The following BRF1 variants were observed in gnomAD, a reference collection of about 807,000 sequenced individuals.
BRF1 encodes BRF1 general transcription factor IIIB subunit, also known as transcription factor IIIB 90 kDa subunit.
In BRF1, 59 loss-of-function variants were observed where a neutral mutation model predicts 81.7. That is an observed-to-expected ratio of 0.72 (90% CI 0.59 to 0.90). The LOEUF is 0.90. BRF1 is among the 40% of genes least tolerant of loss of function. The probability of loss-of-function intolerance (pLI) is 0.00; values close to 1 mark genes in which losing one functional copy is unlikely to be tolerated. For synonymous variants in BRF1, 491 were observed against 395.6 expected (o/e 1.24, Z -2.86); for missense variants, 1,050 against 936.3 (o/e 1.12, Z -1.58).
Position 105,210,795 on chromosome 14 carries a change from G to A in BRF1, c.1997-207C>T, listed in dbSNP as rs895811613. On this transcript the variant is annotated intron_variant, in intron 17 of 17. Transcript: ENST00000547530. The surrounding 1 kb of genome is among the most constrained non-coding windows in gnomAD (Gnocchi z 4.7). ...CCAGAGCAGGGCCTTGCTCCTCGTC[G>A]AGGGCACCTGAGAGCAGTGTGGGCT... is the stretch of plus-strand genomic sequence containing the variant. 2.0e-5 allele frequency among the ~76,000 whole-genome samples: 3 copies of A among 152,080 alleles called. No individual in the cohort carries two copies. The highest frequency in any genetic ancestry group is 2.9e-5 in the Non-Finnish European group (2 of 67,970).
chr14:105,266,399 G>A (rs1030442289), intron 3 of BRF1, among the ~76,000 whole-genome samples: 2 of 152,114 alleles, frequency 1.3e-5, no homozygotes, highest in African/African-American at 4.8e-5. Flanking sequence ...GGAGAACAGA[G>A]CAAGACCCTG....
At chr14:105,261,610 CTT>C (rs2056154994) in intron 3 of BRF1, among the ~76,000 whole-genome samples, 1 of 152,188 alleles carries the variant, frequency 6.6e-6, no homozygotes, top group Non-Finnish European at 1.5e-5. Context: ...AGAACTAAAA[CTT>C]AAAAAAACAA....
rs587666677 is a variant in BRF1 at position 105,288,617 on chromosome 14, ATTTCTTTC to A, written c.185-2249_185-2242del. ...CAGCCTGGGCAACACGGGGAGACCC[ATTTCTTTC>A]TTTCTTTCTTTCTTTTTTTTTTTTT... On this transcript the variant is annotated intron_variant, in intron 1 of 17. Coordinates refer to ENST00000547530, the MANE Select transcript of BRF1 (RefSeq NM_001519.4). Among the ~76,000 whole-genome samples the A allele has an allele frequency of 1.9e-3, 276 of 148,470 alleles. 2 individuals carry two copies. The highest frequency in any genetic ancestry group is 6.1e-3 in the African/African-American group (249 of 40,524).
chr14:105,302,558 G>A (rs1386224611), upstream of BRF1, among the ~76,000 whole-genome samples: 2 of 151,356 alleles, frequency 1.3e-5, no homozygotes, highest in African/African-American at 2.4e-5. Context: ...CACTTAATTT[G>A]GTTCAATGTG....
intron 11 of BRF1, among the ~76,000 whole-genome samples, chr14:105,220,950 G>A (rs1892186869): frequency 6.6e-6 from 1 of 152,222 alleles, no homozygotes; most frequent in African/African-American, 2.4e-5. Context: ...GTTGCTCTGT[G>A]TGACTCGCCT....
rs372951613 is a variant in BRF1 at position 105,249,348 on chromosome 14, T to G, written c.544+3159A>C. On this transcript the variant is annotated intron_variant, in intron 5 of 17. Transcript: ENST00000547530. ...GGAGAGCCAGGCTCACGGCGGCGCT[T>G]TCTCCTCCCAGTACGTCTTGGCTGT... The G allele has an allele frequency of 6.4e-5, 103 of 1,608,452 alleles. No homozygotes were observed. The African/African-American group carries it at 9.9e-4, about 15-fold the overall frequency.
rs1473894867 is a variant in BRF1, at chr14:105,241,252, G to A, written c.694+13C>T. On this transcript the variant is annotated intron_variant, in intron 6 of 17. Transcript: ENST00000547530. ...CAGACCAGCATCCCCCAGGCAGGCA[G>A]GGCCCGCTGTACCTGCTCCGCAGAG... is the stretch of plus-strand genomic sequence containing the variant. 14 of 1,609,400 alleles carry A rather than the reference G, an allele frequency of 8.7e-6. 1 individual carries two copies. Among genetic ancestry groups the A allele is most frequent in the South Asian group, 7.7e-5 (7 of 91,034 alleles).
chr14:105,261,812 G>A (rs2056168332), intron 3 of BRF1, among the ~76,000 whole-genome samples: 1 of 152,200 alleles, frequency 6.6e-6, no homozygotes, highest in African/African-American at 2.4e-5. Flanking sequence ...ACTGGAGAGG[G>A]GGACTGCGGC....
At chr14:105,219,102 G>A in intron 13 of BRF1, 49 bp from the exon 14 acceptor site, 2 of 1,614,002 alleles carry the variant, frequency 1.2e-6, no homozygotes, top group East Asian at 2.2e-5. Flanking sequence ...CACGCCCCAG[G>A]CCTGGGGACT....
Position 105,241,283 on chromosome 14 carries a change from A to G in BRF1, c.676T>C (p.Ser226Pro), listed in dbSNP as rs1003577469. 1.9e-6 allele frequency: 3 copies of G among 1,612,068 alleles called. No homozygotes were observed. The highest frequency in any genetic ancestry group is 2.5e-6 in the Non-Finnish European group (3 of 1,179,798). ...RDWMHTGRRPSGLCGAALLVA... is the reference protein window; with the variant it reads ...RDWMHTGRRPPGLCGAALLVA... ...GCTGTACCTGCTCCGCAGAGGCCCG[A>G]GGGGCGCCGGCCTGTGTGCATCCAG... is the stretch of plus-strand genomic sequence containing the variant. The change falls in exon 6 of 18, where the codon TCG (serine) becomes CCG (proline). Residue 226 changes from serine (S) to proline (P), a missense_variant. This residue lies in a region of BRF1 where 1,043 missense variants were observed against 915.4 expected (regional missense o/e 1.14). Coordinates refer to ENST00000547530, the MANE Select transcript of BRF1 (RefSeq NM_001519.4).
intron 6 of BRF1, 118 bp from the exon 7 acceptor site, chr14:105,229,031 T>C (rs770333379): frequency 3.3e-5 from 30 of 907,742 alleles, no homozygotes; most frequent in Middle Eastern, 2.6e-4. Context: ...AGAAGACGTG[T>C]CTGTGCCAGG....
Position 105,225,805 on chromosome 14 carries a change from G to A in BRF1, c.1048+264C>T, listed in dbSNP as rs144442366. On this transcript the variant is annotated intron_variant, in intron 10 of 17. Coordinates refer to ENST00000547530, the MANE Select transcript of BRF1 (RefSeq NM_001519.4). ...TGGGACTACAGGTGCGCACCACCAC[G>A]CCCAGCTAATTTTTGCATTTGTAGT... Among the ~76,000 whole-genome samples the A allele has an allele frequency of 0.018, 2,782 of 152,176 alleles. 81 individuals are homozygous for A. The highest frequency in any genetic ancestry group is 0.064 in the African/African-American group (2,668 of 41,484).
intron 5 of BRF1, among the ~76,000 whole-genome samples, chr14:105,246,309 T>C (rs1020356530): frequency 6.6e-6 from 1 of 152,094 alleles, no homozygotes; most frequent in Non-Finnish European, 1.5e-5. Flanking sequence ...GTCAACATCA[T>C]TATTTATCAG....
chr14:105,249,868 C>CTGTG, intron 5 of BRF1: 1 of 1,612,408 alleles, frequency 6.2e-7, no homozygotes, highest in Non-Finnish European at 8.5e-7. Flanking sequence ...CCGAGATGGC[C>CTGTG]CTACGGTCCG....
In BRF1 at chr14:105,210,108, C is replaced by A. The variant is rs1373970495; in HGVS notation, c.*443G>T. The A allele has an allele frequency of 2.3e-5, 5 of 219,068 alleles. No individual in the cohort carries two copies. In the East Asian group the frequency reaches 6.0e-4, roughly 26 times the overall value. The allele number at this position is 219,068 out of a possible 1,614,324, so 13.6% of individuals were successfully genotyped here. A position where few individuals can be genotyped will look rare whatever the true frequency, so the allele number is the denominator to read the frequency against. On this transcript the variant is annotated 3_prime_UTR_variant, in exon 18 of 18. Coordinates refer to ENST00000547530, the MANE Select transcript of BRF1 (RefSeq NM_001519.4). This position sits in a 1 kb window ranked among gnomAD's most constrained non-coding sequence, Gnocchi z 4.7. ...TGGCAGAGGCTGCTGGCGCCGAGTG[C>A]TGCTCAGGAGGGGACGGTGCGGAGG...
intron 7 of BRF1, chr14:105,228,329 G>C (rs906203289): frequency 1.3e-5 from 2 of 153,234 alleles, no homozygotes; most frequent in African/African-American, 4.8e-5. Context: ...AAGACGGGCA[G>C]ATCACGAGGT....
At chr14:105,241,717 G>A in intron 5 of BRF1, 1 of 450,922 alleles carries the variant, frequency 2.2e-6, no homozygotes, top group Admixed American at 3.4e-5. Context: ...ACACCCAGCA[G>A]CCTTCCCTCC....
chr14:105,242,906 A>G (rs957227678), intron 5 of BRF1, among the ~76,000 whole-genome samples: 2 of 151,538 alleles, frequency 1.3e-5, no homozygotes, highest in Admixed American at 1.3e-4. Flanking sequence ...ACCTGAGCTC[A>G]GGAGATCGAG....
At position 105,241,625 on chromosome 14, in the gene BRF1, C is replaced by A. The variant is rs754350596; in HGVS notation, c.545-211G>T. On this transcript the variant is annotated intron_variant, in intron 5 of 17. Coordinates refer to ENST00000547530, the MANE Select transcript of BRF1 (RefSeq NM_001519.4). Reference sequence around the variant, plus strand: ...AGGAGAGCCACTGGCCACCTGCTGCCAGCCAGCCTGCTGCAGACACGCTAG... The same window carrying A: ...AGGAGAGCCACTGGCCACCTGCTGCAAGCCAGCCTGCTGCAGACACGCTAG... 16 of 641,856 alleles carry A rather than the reference C, an allele frequency of 2.5e-5. No homozygotes were observed. The South Asian group carries it at 3.0e-4, about 12-fold the overall frequency. The allele number at this position is 641,856 out of a possible 1,614,324, so 39.8% of individuals were successfully genotyped here.
Sources: gnomAD v4.1 joint callset for allele counts (sites outside exome capture counted in the v4.1 genomes callset) on GRCh38, gnomAD v4.1.1 for gene constraint, gnomAD v4.1.1 regional missense constraint, Gnocchi (gnomAD v3.1) non-coding constraint, MANE v1.5 for transcripts, NCBI Gene and HGNC (gene_info 2026-07-23, HGNC 2026-07-21) for gene names.